ADAM2: variants seen among roughly 807,000 people sequenced by gnomAD.
ADAM2 encodes ADAM metallopeptidase domain 2.
A neutral mutation model predicts 99.3 loss-of-function variants in ADAM2; 101 were observed. That is an observed-to-expected ratio of 1.02 (90% confidence interval 0.87 to 1.20). The LOEUF (loss-of-function observed/expected upper bound fraction) is 1.20, where lower values mean the gene tolerates loss of function less well. Among genes scored for constraint, ADAM2 ranks in the 50% most tolerant of loss-of-function variants. The pLI is 0.00. For missense variants in ADAM2, 948 were observed against 878.7 expected (o/e 1.08, Z -1.00); for synonymous variants, 323 against 287.6 (o/e 1.12, Z -1.25).
At chr8:39,804,122 T>A (rs1223004172) in intron 7 of ADAM2, among the ~76,000 whole-genome samples, 1 of 152,218 alleles carries the variant, frequency 6.6e-6, no homozygotes, top group African/African-American at 2.4e-5. Context: ...ATTTCTTTTA[T>A]CAGCGAAATA....
At chr8:39,764,449 G>A (rs1318163821) in intron 14 of ADAM2, among the ~76,000 whole-genome samples, 1 of 152,114 alleles carries the variant, frequency 6.6e-6, no homozygotes, top group Non-Finnish European at 1.5e-5. Context: ...TTTTATTGCA[G>A]TAAAAACTTA....
At chr8:39,788,819 C>A (rs757302394) in intron 7 of ADAM2, 79 bp from the exon 8 acceptor site, 6 of 755,536 alleles carry the variant, frequency 7.9e-6, no homozygotes, top group East Asian at 3.3e-5. Flanking sequence ...ATTTAAAATT[C>A]AATTTGGTGA....
intron 14 of ADAM2, among the ~76,000 whole-genome samples, chr8:39,765,191 T>G (rs1035700594): frequency 1.1e-4 from 17 of 152,130 alleles, no homozygotes; most frequent in African/African-American, 4.1e-4. Context: ...ATAAACTGCT[T>G]GAAGTTTGAA....
chr8:39,744,669 C>G (rs1823374186), intron 20 of ADAM2, among the ~76,000 whole-genome samples, 161 bp downstream of exon 20: 1 of 152,088 alleles, frequency 6.6e-6, no homozygotes. Flanking sequence ...AGCATTGAGA[C>G]CAATACCTAA....
At chr8:39,787,103 T>C in intron 9 of ADAM2, 48 bp from the exon 10 acceptor site, 1 of 1,173,748 alleles carries the variant, frequency 8.5e-7, no homozygotes, top group Non-Finnish European at 1.2e-6. Context: ...TAAAAATTAA[T>C]ATGAATTTTT....
At chr8:39,754,459 A>G (rs965882633) in intron 16 of ADAM2, among the ~76,000 whole-genome samples, 2 of 152,240 alleles carry the variant, frequency 1.3e-5, no homozygotes, top group African/African-American at 4.8e-5. Flanking sequence ...CCTACCTCAC[A>G]TAACGTATTT....
At chr8:39,764,045 G>C (rs1546836) in intron 14 of ADAM2, among the ~76,000 whole-genome samples, 15,191 of 152,242 alleles carry the variant, frequency 0.1, 814 homozygotes, top group African/African-American at 0.13. Flanking sequence ...CAAATAGTCT[G>C]AACCTGAGCA....
chr8:39,825,983 A>G (rs1340061856), intron 3 of ADAM2, among the ~76,000 whole-genome samples: 1 of 152,178 alleles, frequency 6.6e-6, no homozygotes. Flanking sequence ...GGTACTATGG[A>G]CATTTTAGCA....
chr8:39,772,016 C>A lies in ADAM2; in HGVS notation c.1029-2441G>T, dbSNP rs1019430619. Among the ~76,000 whole-genome samples, 3 of 149,102 alleles carry A rather than the reference C, an allele frequency of 2.0e-5. No individual in the cohort carries two copies. In the Admixed American group the frequency reaches 2.0e-4, roughly 10 times the overall value. On this transcript the variant is annotated intron_variant, in intron 11 of 20. Transcript: ENST00000265708. Reference sequence around the variant, plus strand: ...ATGGGTGCAGCACACCGAAATGGTGCATGTATACATATGTAACAAACCGCA... The same window carrying A: ...ATGGGTGCAGCACACCGAAATGGTGAATGTATACATATGTAACAAACCGCA...
chr8:39,761,010 TG>T (rs1347724918), intron 15 of ADAM2, among the ~76,000 whole-genome samples, 165 bp downstream of exon 15: 8 of 152,048 alleles, frequency 5.3e-5, no homozygotes, highest in African/African-American at 1.7e-4. Flanking sequence ...AGGGATAATT[TG>T]GTTATAGGAG....
At chr8:39,814,218 G>A (rs1054111027) in intron 6 of ADAM2, among the ~76,000 whole-genome samples, 1 of 152,088 alleles carries the variant, frequency 6.6e-6, no homozygotes, top group Non-Finnish European at 1.5e-5. Context: ...AATTAGCTGG[G>A]CATTGTGGCT....
intron 6 of ADAM2, among the ~76,000 whole-genome samples, chr8:39,813,572 A>G (rs1410101251): frequency 6.6e-6 from 1 of 152,230 alleles, no homozygotes; most frequent in Non-Finnish European, 1.5e-5. Context: ...CATACACACC[A>G]TGGAATACTA....
chr8:39,757,159 C>A (rs990315023), intron 15 of ADAM2, among the ~76,000 whole-genome samples: 2 of 152,096 alleles, frequency 1.3e-5, no homozygotes, highest in Non-Finnish European at 2.9e-5. Context: ...ATCTCTAGAA[C>A]TGGCATACTC....
chr8:39,788,613 T>C, intron 8 of ADAM2, 56 bp downstream of exon 8: 2 of 1,237,634 alleles, frequency 1.6e-6, no homozygotes, highest in East Asian at 2.5e-5. Flanking sequence ...TAATGAGGTG[T>C]AGAAATTGTT....
At chr8:39,812,621 G>A (rs1384952105) in intron 6 of ADAM2, among the ~76,000 whole-genome samples, 6 of 152,070 alleles carry the variant, frequency 3.9e-5, no homozygotes, top group Non-Finnish European at 4.4e-5. Context: ...AAATAGTACC[G>A]CACATCTACA....
At chr8:39,783,645 G>A (rs181140697) in intron 10 of ADAM2, among the ~76,000 whole-genome samples, 2 of 152,216 alleles carry the variant, frequency 1.3e-5, no homozygotes, top group Non-Finnish European at 2.9e-5. Flanking sequence ...GAATATATAT[G>A]ATGTTTGTCA....
chr8:39,764,570 A>T (rs1324810408), intron 14 of ADAM2, among the ~76,000 whole-genome samples: 1 of 152,222 alleles, frequency 6.6e-6, no homozygotes, highest in Non-Finnish European at 1.5e-5. Context: ...CAGCTTAAGG[A>T]AACAGATTTG....
intron 7 of ADAM2, among the ~76,000 whole-genome samples, chr8:39,801,201 TG>T (rs1804193825): frequency 6.6e-6 from 1 of 152,176 alleles, no homozygotes; most frequent in Non-Finnish European, 1.5e-5. Context: ...GAGGTTTTTG[TG>T]GGGGCCTTTT....
chr8:39,749,856 AT>A, intron 16 of ADAM2, 112 bp from the exon 17 acceptor site: 1 of 708,896 alleles, frequency 1.4e-6, no homozygotes. Context: ...AAGGGTATTG[AT>A]TTAGCAACAA....
Sources: allele counts gnomAD v4.1 joint callset (sites outside exome capture counted in the v4.1 genomes callset), GRCh38; gene constraint gnomAD v4.1.1; transcripts MANE v1.5; gene names NCBI Gene and HGNC (gene_info 2026-07-23, HGNC 2026-07-21).